Variants in RBFOX1 observed in about 807,000 individuals in gnomAD.
RBFOX1 encodes RNA binding fox-1 homolog 1, also known as RNA binding protein fox-1 homolog 1.
In RBFOX1, 8 loss-of-function variants were observed where a neutral mutation model predicts 57.7. The observed-to-expected ratio is 0.14, with a 90% CI of 0.08 to 0.25. RBFOX1 has a LOEUF of 0.25. Among genes scored for constraint, RBFOX1 ranks in the 10% least tolerant of loss-of-function variants. The probability of loss-of-function intolerance (pLI) is 1.00; values close to 1 mark genes in which losing one functional copy is unlikely to be tolerated. For missense variants in RBFOX1, 611 were observed against 548.5 expected (o/e 1.11, Z -1.14); for synonymous variants, 326 against 222.4 (o/e 1.47, Z -4.15).
chr16:7,455,331 C>T (rs2058280634), intron 4 of RBFOX1, among the ~76,000 whole-genome samples: 1 of 152,206 alleles, frequency 6.6e-6, no homozygotes, highest in African/African-American at 2.4e-5. Flanking sequence ...CATTCTTTCT[C>T]ATCCTTGTGG....
At chr16:7,116,614 C>G (rs1193923053) in intron 4 of RBFOX1, among the ~76,000 whole-genome samples, 1 of 152,180 alleles carries the variant, frequency 6.6e-6, no homozygotes, top group Non-Finnish European at 1.5e-5. Flanking sequence ...AAGCCCACAG[C>G]AGCTGTCCAG....
At chr16:6,278,746 G>A (rs1019042510) in intron 1 of RBFOX1, among the ~76,000 whole-genome samples, 1 of 152,118 alleles carries the variant, frequency 6.6e-6, no homozygotes, top group Non-Finnish European at 1.5e-5. Flanking sequence ...GAGCAGAGTA[G>A]GTGGGGGGTT....
intron 4 of RBFOX1, among the ~76,000 whole-genome samples, chr16:7,353,719 T>C (rs1282572628): frequency 1.3e-5 from 2 of 152,210 alleles, no homozygotes; most frequent in Non-Finnish European, 2.9e-5. Flanking sequence ...GACTACATAT[T>C]GTATGATTCG....
intron 1 of RBFOX1, among the ~76,000 whole-genome samples, chr16:5,376,705 T>C (rs866611484): frequency 6.8e-6 from 1 of 147,240 alleles, no homozygotes; most frequent in South Asian, 2.1e-4. Flanking sequence ...TTGGAACTCA[T>C]CGTCTTGGTC....
At chr16:7,302,555 C>G (rs1308611380) in intron 4 of RBFOX1, among the ~76,000 whole-genome samples, 2 of 151,474 alleles carry the variant, frequency 1.3e-5, no homozygotes, top group Admixed American at 6.6e-5. Flanking sequence ...CAGTGAGAAG[C>G]TGTCAGCAAG....
chr16:6,833,165 T>TTTTA (rs1010364148), intron 3 of RBFOX1, among the ~76,000 whole-genome samples: 1 of 151,764 alleles, frequency 6.6e-6, no homozygotes, highest in East Asian at 1.9e-4. Context: ...TTTATTTTAT[T>TTTTA]TTTATTTATT....
intron 3 of RBFOX1, among the ~76,000 whole-genome samples, chr16:7,011,452 A>G (rs1464881405): frequency 6.6e-6 from 1 of 151,330 alleles, no homozygotes; most frequent in East Asian, 1.9e-4. Context: ...TCCAAGTTGG[A>G]TTTTTGTTTG....
At chr16:5,626,210 C>G (rs2048347260) in intron 3 of RBFOX1, among the ~76,000 whole-genome samples, 1 of 152,202 alleles carries the variant, frequency 6.6e-6, no homozygotes, top group Non-Finnish European at 1.5e-5. Flanking sequence ...CCAACTTATC[C>G]TCTGGAGGAA....
chr16:6,675,531 C>T (rs1314751890), intron 3 of RBFOX1, among the ~76,000 whole-genome samples: 5 of 152,150 alleles, frequency 3.3e-5, no homozygotes, highest in Admixed American at 3.3e-4. Context: ...CCAGGCCCTG[C>T]CACAGTAGGC....
At chr16:6,614,346 T>C (rs376256648) in intron 2 of RBFOX1, among the ~76,000 whole-genome samples, 1 of 152,164 alleles carries the variant, frequency 6.6e-6, no homozygotes, top group East Asian at 1.9e-4. Flanking sequence ...TCATGCCAGG[T>C]ATGAAGAATT....
chr16:5,394,498 A>G (rs1458991785), intron 1 of RBFOX1, among the ~76,000 whole-genome samples: 1 of 150,632 alleles, frequency 6.6e-6, no homozygotes, highest in African/African-American at 2.4e-5. Flanking sequence ...ACATATCTCA[A>G]ATCTCTTTTT....
chr16:7,626,984 C>T (rs1378277803), intron 10 of RBFOX1, among the ~76,000 whole-genome samples: 7 of 151,966 alleles, frequency 4.6e-5, no homozygotes, highest in South Asian at 2.1e-4. Context: ...TAGAGGACCA[C>T]GAAGGATCTA....
At chr16:6,775,473 AT>A (rs2079169706) in intron 3 of RBFOX1, among the ~76,000 whole-genome samples, 1 of 152,012 alleles carries the variant, frequency 6.6e-6, no homozygotes, top group Non-Finnish European at 1.5e-5. Flanking sequence ...AGAAAAAAAA[AT>A]AGGTGATAAG....
At chr16:6,468,667 A>C (rs2215408) in intron 2 of RBFOX1, among the ~76,000 whole-genome samples, 104,057 of 151,958 alleles carry the variant, frequency 0.68, 35,882 homozygotes, top group South Asian at 0.81. Flanking sequence ...TTTGTGTGTG[A>C]GTTAGAACAT....
chr16:6,407,004 A>G (rs1349112036), intron 2 of RBFOX1, among the ~76,000 whole-genome samples: 1 of 152,168 alleles, frequency 6.6e-6, no homozygotes, highest in East Asian at 1.9e-4. Flanking sequence ...GGAGGTCCCA[A>G]TGAGATAAAC....
intron 4 of RBFOX1, among the ~76,000 whole-genome samples, chr16:7,317,470 C>G (rs1181056673): frequency 1.3e-5 from 2 of 152,146 alleles, no homozygotes; most frequent in Non-Finnish European, 2.9e-5. Context: ...CTATTATCAC[C>G]ACCACTATCA....
chr16:7,298,285 G>GTTTTTTTTTTTTT (rs201092743), intron 4 of RBFOX1, among the ~76,000 whole-genome samples: 25 of 96,580 alleles, frequency 2.6e-4, no homozygotes, highest in African/African-American at 4.0e-4. Context: ...GTTTTTTTTT[G>GTTTTTTTTTTTTT]TTTTTTTTTT....
intron 2 of RBFOX1, among the ~76,000 whole-genome samples, chr16:6,330,025 T>G (rs980318800): frequency 6.6e-6 from 1 of 152,164 alleles, no homozygotes; most frequent in African/African-American, 2.4e-5. Flanking sequence ...TATTGACTTC[T>G]ACTGTGTAGC....
intron 2 of RBFOX1, among the ~76,000 whole-genome samples, chr16:5,478,661 C>A (rs1380506066): frequency 6.6e-6 from 1 of 152,198 alleles, no homozygotes; most frequent in Non-Finnish European, 1.5e-5. Flanking sequence ...TCTTTCCAGA[C>A]CCGCTTTCTG....
Sources: gnomAD v4.1 joint callset for allele counts (sites outside exome capture counted in the v4.1 genomes callset) on GRCh38, gnomAD v4.1.1 for gene constraint, MANE v1.5 for transcripts, NCBI Gene and HGNC (gene_info 2026-07-23, HGNC 2026-07-21) for gene names.